Variants in ERLIN1 observed in about 807,000 individuals in gnomAD.
The protein encoded by ERLIN1 is ER lipid raft associated 1.
ERLIN1 carries 24 observed loss-of-function variants against 46.9 expected under a neutral mutation model. The ratio of observed to expected loss-of-function variants is 0.51; its 90% CI spans 0.37 to 0.72. The LOEUF (loss-of-function observed/expected upper bound fraction) is 0.72. ERLIN1 is among the 30% of genes least tolerant of loss of function. The pLI is 0.00. For missense variants in ERLIN1, 293 were observed against 417.9 expected, an observed-to-expected ratio of 0.70 and a Z score of 2.61; for synonymous variants, 158 against 143.2, an observed-to-expected ratio of 1.10 and a Z score of -0.74.
rs1167400456 is a variant in ERLIN1 at position 100,175,643 on chromosome 10, G to A, written c.430+302C>T. Among the ~76,000 whole-genome samples, 3 of 152,114 alleles carry A rather than the reference G, an allele frequency of 2.0e-5. No individual in the cohort carries two copies. The East Asian group carries it at 5.8e-4, about 29-fold the overall frequency. On this transcript the variant is annotated intron_variant, in intron 5 of 10. Coordinates refer to ENST00000421367, the MANE Select transcript of ERLIN1 (RefSeq NM_006459.4). ...AGTCTCCTACCAAATCATCAAAAATGGGAGCCTCAAGACACAGGTTTCTAA... is the reference window on the plus strand; with the variant it reads ...AGTCTCCTACCAAATCATCAAAAATAGGAGCCTCAAGACACAGGTTTCTAA...
At chr10:100,173,827 T>C (rs1301386720) in intron 6 of ERLIN1, among the ~76,000 whole-genome samples, 1 of 152,228 alleles carries the variant, frequency 6.6e-6, no homozygotes, top group South Asian at 2.1e-4. Flanking sequence ...AATTAATACT[T>C]TGTGATAACT....
rs539269752 is a variant in ERLIN1, at chr10:100,170,269, G to T, written c.505-2863C>A. ...ATTCTTAAAATGCATTCCAACTATT[G>T]TAAAAAAAATTTTATAACAAGACAA... On this transcript the variant is annotated intron_variant, in intron 6 of 10. Coordinates refer to ENST00000421367, the MANE Select transcript of ERLIN1 (RefSeq NM_006459.4). Among the ~76,000 whole-genome samples, 13 of 152,098 alleles carry T rather than the reference G, an allele frequency of 8.5e-5. No homozygotes were observed. The South Asian group carries it at 2.7e-3, about 32-fold the overall frequency.
intron 6 of ERLIN1, among the ~76,000 whole-genome samples, chr10:100,172,983 C>CA (rs1844089316): frequency 6.6e-6 from 1 of 152,180 alleles, no homozygotes; most frequent in South Asian, 2.1e-4. Flanking sequence ...TTGAACAACT[C>CA]AGAGGATTTT....
chr10:100,165,385 C>CTTT (rs35096142), intron 7 of ERLIN1, among the ~76,000 whole-genome samples: 8 of 130,548 alleles, frequency 6.1e-5, no homozygotes, highest in African/African-American at 1.5e-4. Context: ...CAGAAGCAAT[C>CTTT]TTTTTTTTTT....
intron 2 of ERLIN1, among the ~76,000 whole-genome samples, chr10:100,183,513 T>C (rs959581486): frequency 6.6e-6 from 1 of 152,256 alleles, no homozygotes; most frequent in Non-Finnish European, 1.5e-5. Flanking sequence ...TACCACGATA[T>C]AGATGGTAGA....
chr10:100,183,607 A>T, intron 2 of ERLIN1, 149 bp downstream of exon 2: 1 of 498,958 alleles, frequency 2.0e-6, no homozygotes, highest in Non-Finnish European at 3.6e-6. Flanking sequence ...CTTGTGTTGT[A>T]ACAACTGTAC....
chr10:100,157,368 A>T (rs1403672938), intron 8 of ERLIN1, among the ~76,000 whole-genome samples: 4 of 152,126 alleles, frequency 2.6e-5, no homozygotes, highest in African/African-American at 9.7e-5. Flanking sequence ...TGCAGAGGAA[A>T]CTCAACACCC....
intron 4 of ERLIN1, among the ~76,000 whole-genome samples, chr10:100,176,840 C>T (rs759915083): frequency 1.6e-4 from 24 of 152,172 alleles, no homozygotes; most frequent in African/African-American, 4.1e-4. Context: ...ATTTCAAATC[C>T]GACTGGGCGC....
At position 100,152,107 on chromosome 10, in the gene ERLIN1, T is replaced by C. The variant is rs1420726931; in HGVS notation, c.*24A>G. ...TAACCCCTTGGGCCACATCTTGATA[T>C]GGAGAACATTTCCACCTCTTGCATC... is the stretch of plus-strand genomic sequence containing the variant. On this transcript the variant is annotated 3_prime_UTR_variant, in exon 11 of 11. Coordinates refer to ENST00000421367, the MANE Select transcript of ERLIN1 (RefSeq NM_006459.4). 3.4e-6 allele frequency: 5 copies of C among 1,461,736 alleles called. No homozygotes were observed. Among genetic ancestry groups the C allele is most frequent in the Non-Finnish European group, 3.8e-6 (4 of 1,041,242 alleles). 90.5% of individuals were successfully genotyped at this position (1,461,736 alleles called of 1,614,324 possible).
At chr10:100,179,271 C>T in intron 2 of ERLIN1, 24 bp from the exon 3 acceptor site, 2 of 1,560,790 alleles carry the variant, frequency 1.3e-6, no homozygotes, top group Non-Finnish European at 1.7e-6. Flanking sequence ...GATATCTCAT[C>T]AACACTCAAG....
At chr10:100,162,825 GC>G (rs1264130232) in intron 8 of ERLIN1, among the ~76,000 whole-genome samples, 3 of 152,020 alleles carry the variant, frequency 2.0e-5, no homozygotes, top group Non-Finnish European at 4.4e-5. Context: ...TCTCATTGAG[GC>G]TCAGAAACAA....
In ERLIN1 at chr10:100,155,545, C is replaced by T. The variant is rs548037844; in HGVS notation, c.745+600G>A. Among the ~76,000 whole-genome samples the T allele has an allele frequency of 4.6e-5, 7 of 151,504 alleles. No individual in the cohort carries two copies. In the South Asian group the frequency reaches 8.3e-4, roughly 18 times the overall value. ...TTTTTTATTTTTTGAGACGGAGTCTCGCTCTGTCGCCCAGGCTGGAGTGCA... is the reference window on the plus strand; with the variant it reads ...TTTTTTATTTTTTGAGACGGAGTCTTGCTCTGTCGCCCAGGCTGGAGTGCA... On this transcript the variant is annotated intron_variant, in intron 9 of 10. Coordinates refer to ENST00000421367, the MANE Select transcript of ERLIN1 (RefSeq NM_006459.4).
chr10:100,167,234 TA>T lies in ERLIN1; in HGVS notation c.563+113del, dbSNP rs11367256. Reference sequence around the variant, plus strand: ...ATTACTAGAGTAAGAGTAAAGAAGATAAGACACATACTCCACCCCAGAGTGT... The same window carrying T: ...ATTACTAGAGTAAGAGTAAAGAAGATAGACACATACTCCACCCCAGAGTGT... On this transcript the variant is annotated intron_variant, in intron 7 of 10. Transcript: ENST00000421367. 48,660 of 763,358 alleles carry T rather than the reference TA, an allele frequency of 0.064. 4,905 individuals carry two copies. The highest frequency in any genetic ancestry group is 0.38 in the African/African-American group (21,249 of 56,600). The allele number at this position is 763,358 out of a possible 1,614,324, so 47.3% of individuals were successfully genotyped here.
chr10:100,176,131 T>C (rs1844285659), intron 4 of ERLIN1, 61 bp from the exon 5 acceptor site: 3 of 1,492,492 alleles, frequency 2.0e-6, no homozygotes, highest in Non-Finnish European at 2.7e-6. Flanking sequence ...ACCTTCAAAT[T>C]CAGCCAGGGT....
intron 5 of ERLIN1, 96 bp from the exon 6 acceptor site, chr10:100,174,377 G>C (rs575704430): frequency 2.7e-4 from 231 of 869,194 alleles, no homozygotes; most frequent in Non-Finnish European, 3.8e-4. Flanking sequence ...TAGACCTAAA[G>C]TTTCCACAGT....
intron 5 of ERLIN1, 123 bp downstream of exon 5, chr10:100,175,822 C>T: frequency 2.8e-6 from 2 of 701,876 alleles, no homozygotes; most frequent in Admixed American, 3.8e-5. Context: ...AAGACAATTG[C>T]TCTATGATAA....
intron 5 of ERLIN1, among the ~76,000 whole-genome samples, chr10:100,174,717 A>C (rs1844192350): frequency 1.3e-5 from 2 of 152,188 alleles, no homozygotes; most frequent in South Asian, 4.1e-4. Flanking sequence ...ATGTTCAGTA[A>C]ATCTTTACTC....
chr10:100,171,514 T>A (rs1431093348), intron 6 of ERLIN1, among the ~76,000 whole-genome samples: 1 of 152,130 alleles, frequency 6.6e-6, no homozygotes, highest in Non-Finnish European at 1.5e-5. Context: ...CAAGTCATCC[T>A]CCCACCTCAG....
At chr10:100,173,788 G>A (rs1276564244) in intron 6 of ERLIN1, among the ~76,000 whole-genome samples, 1 of 152,124 alleles carries the variant, frequency 6.6e-6, no homozygotes, top group Non-Finnish European at 1.5e-5. Context: ...TACTCTTACA[G>A]CAATAATCAT....
Sources: allele counts gnomAD v4.1 joint callset (sites outside exome capture counted in the v4.1 genomes callset), GRCh38; gene constraint gnomAD v4.1.1; transcripts MANE v1.5; gene names NCBI Gene and HGNC (gene_info 2026-07-23, HGNC 2026-07-21).